Variants in LDAH observed in about 807,000 individuals in gnomAD.
LDAH encodes lipid droplet associated hydrolase.
LDAH carries 26 observed loss-of-function variants against 29.6 expected under a neutral mutation model. That is an observed-to-expected ratio of 0.88 (90% CI 0.64 to 1.22). The LOEUF (loss-of-function observed/expected upper bound fraction) is 1.22, where lower values mean the gene tolerates loss of function less well. LDAH is among the 50% of genes most tolerant of loss of function. LDAH has a pLI of 0.00. For missense variants in LDAH, 344 were observed against 387.3 expected (o/e 0.89, Z 0.94); for synonymous variants, 117 against 133.0 (o/e 0.88, Z 0.83).
intron 3 of LDAH, among the ~76,000 whole-genome samples, chr2:20,784,554 T>C (rs1670416998): frequency 6.6e-6 from 1 of 152,044 alleles, no homozygotes; most frequent in Non-Finnish European, 1.5e-5. Flanking sequence ...TGATCTAACA[T>C]TCTCTCTTCT....
chr2:20,802,434 T>C (rs553706212), intron 1 of LDAH, among the ~76,000 whole-genome samples: 31 of 152,332 alleles, frequency 2.0e-4, no homozygotes, highest in African/African-American at 7.0e-4. Context: ...ACCCAGGATA[T>C]ACTATCATGA....
At chr2:20,770,561 G>A (rs1051013452) in intron 4 of LDAH, among the ~76,000 whole-genome samples, 1 of 152,158 alleles carries the variant, frequency 6.6e-6, no homozygotes, top group Admixed American at 6.5e-5. Context: ...AGAGAAAGAA[G>A]ATTCTAGATA....
chr2:20,690,216 G>A (rs111746926), intron 6 of LDAH, among the ~76,000 whole-genome samples: 53 of 152,242 alleles, frequency 3.5e-4, no homozygotes, highest in African/African-American at 1.1e-3. Flanking sequence ...CCCACCTCAG[G>A]GTATCAAGAG....
intron 1 of LDAH, among the ~76,000 whole-genome samples, chr2:20,814,470 A>AT (rs1672719689): frequency 6.6e-6 from 1 of 152,020 alleles, no homozygotes; most frequent in Non-Finnish European, 1.5e-5. Context: ...TATTTTTATT[A>AT]TTATTTTTGA....
chr2:20,774,040 T>C (rs979236592), intron 4 of LDAH, among the ~76,000 whole-genome samples: 12 of 152,172 alleles, frequency 7.9e-5, no homozygotes, highest in South Asian at 4.1e-4. Context: ...CCTCAAAACA[T>C]AGCACAGGAT....
At chr2:20,767,660 G>A (rs909148053) in intron 4 of LDAH, among the ~76,000 whole-genome samples, 1 of 152,202 alleles carries the variant, frequency 6.6e-6, no homozygotes, top group Non-Finnish European at 1.5e-5. Flanking sequence ...GCAGGCCAGG[G>A]AGGGTTTGAA....
chr2:20,761,955 GA>G lies in LDAH; in HGVS notation c.468+12854del, dbSNP rs956859724. Among the ~76,000 whole-genome samples the G allele has an allele frequency of 5.7e-4, 83 of 144,440 alleles. 1 individual carries two copies. The highest frequency in any genetic ancestry group is 1.8e-3 in the African/African-American group (69 of 39,372). The allele number at this position is 144,440 out of a possible 152,430, so 94.8% of individuals were successfully genotyped here. ...ACAGAAAATTCAAAAATAAAAAATA[GA>G]AAAAAAAAACCCAAACTCACCACTT... On this transcript the variant is annotated intron_variant, in intron 4 of 6. Coordinates refer to ENST00000237822, the MANE Select transcript of LDAH (RefSeq NM_021925.4).
chr2:20,818,126 G>T (rs1203560149), intron 1 of LDAH, among the ~76,000 whole-genome samples: 3 of 152,102 alleles, frequency 2.0e-5, no homozygotes, highest in Non-Finnish European at 4.4e-5. Flanking sequence ...TATACTCTGT[G>T]AATTGTATCA....
In LDAH at chr2:20,794,545, C is replaced by T. The variant is rs576328218; in HGVS notation, c.155-4147G>A. On this transcript the variant is annotated intron_variant, in intron 2 of 6. Coordinates refer to ENST00000237822, the MANE Select transcript of LDAH (RefSeq NM_021925.4). ...CCATCAAAATGTTAAAAGCATAATA[C>T]ATCATGACCAAGTGGGATTTATCAC... is the stretch of plus-strand genomic sequence containing the variant. 3.3e-4 allele frequency among the ~76,000 whole-genome samples: 50 copies of T among 152,230 alleles called. No individual in the cohort carries two copies. In the South Asian group the frequency reaches 7.9e-3, roughly 24 times the overall value.
intron 4 of LDAH, among the ~76,000 whole-genome samples, chr2:20,767,505 G>A (rs1271804534): frequency 1.3e-5 from 2 of 152,240 alleles, no homozygotes; most frequent in Non-Finnish European, 2.9e-5. Context: ...CAAGCATGAG[G>A]GGAAATTGAG....
intron 1 of LDAH, among the ~76,000 whole-genome samples, chr2:20,806,281 C>CTTTAAA (rs1672060897): frequency 6.6e-6 from 1 of 152,086 alleles, no homozygotes; most frequent in African/African-American, 2.4e-5. Context: ...TCCTCAAATG[C>CTTTAAA]CAAAAACTTT....
chr2:20,752,950 C>T (rs545892615), intron 4 of LDAH, among the ~76,000 whole-genome samples: 1 of 148,978 alleles, frequency 6.7e-6, no homozygotes, highest in African/African-American at 2.5e-5. Context: ...TCATTCTAAG[C>T]TGTATTCTTT....
rs147397062 is a variant in LDAH, at chr2:20,750,023, CTTTTT to C, written c.469-9823_469-9819del. On this transcript the variant is annotated intron_variant, in intron 4 of 6. Transcript: ENST00000237822. ...TGATTTTTACGTCTGCCTTACTAAA[CTTTTT>C]TTTTTTTTTTTTTTTGAAACAAAGT... 2.6e-3 allele frequency among the ~76,000 whole-genome samples: 328 copies of C among 127,088 alleles called. 3 individuals are homozygous for C. Among genetic ancestry groups the C allele is most frequent in the African/African-American group, 8.9e-3 (305 of 34,236 alleles). 83.4% of individuals were successfully genotyped at this position (127,088 alleles called of 152,430 possible).
chr2:20,800,783 G>A (rs1671605897), intron 2 of LDAH, among the ~76,000 whole-genome samples: 1 of 152,018 alleles, frequency 6.6e-6, no homozygotes, highest in Non-Finnish European at 1.5e-5. Flanking sequence ...ATAGGCATGT[G>A]CCACCACGCC....
chr2:20,691,708 A>G (rs1253891340), intron 6 of LDAH, among the ~76,000 whole-genome samples: 3 of 152,242 alleles, frequency 2.0e-5, no homozygotes, highest in Admixed American at 2.0e-4. Flanking sequence ...AAAAGTATAC[A>G]TTATTGAGAT....
intron 4 of LDAH, among the ~76,000 whole-genome samples, chr2:20,744,765 T>C (rs1667453005): frequency 6.6e-6 from 1 of 152,154 alleles, no homozygotes. Flanking sequence ...TCTAACAAAA[T>C]TGTGGTGTTT....
chr2:20,740,194 G>T lies in LDAH; in HGVS notation c.480C>A (p.Ala160=). The T allele has an allele frequency of 6.2e-7, 1 of 1,612,764 alleles. No homozygotes were observed. Among genetic ancestry groups the T allele is most frequent in the African/African-American group, 1.3e-5 (1 of 75,024 alleles). The change falls in exon 5 of 7, where the codon GCC becomes GCA. Residue 160 remains alanine (A), a synonymous_variant. Coordinates refer to ENST00000237822, the MANE Select transcript of LDAH (RefSeq NM_021925.4). ...GTTCAATTGTTGGAAAGAGCAGAAAGGCACGAATTACCTGCAATAAAGAAG... is the reference window on the plus strand; with the variant it reads ...GTTCAATTGTTGGAAAGAGCAGAAATGCACGAATTACCTGCAATAAAGAAG... ...KRVPELPVIR[A]FLLFPTIERM...
At chr2:20,816,249 TA>T (rs1558506519) in intron 1 of LDAH, among the ~76,000 whole-genome samples, 1 of 151,902 alleles carries the variant, frequency 6.6e-6, no homozygotes, top group Admixed American at 6.6e-5. Context: ...AAACAAATAA[TA>T]AAATGGCTGG....
At chr2:20,778,973 C>A (rs1239615239) in intron 3 of LDAH, among the ~76,000 whole-genome samples, 1 of 150,980 alleles carries the variant, frequency 6.6e-6, no homozygotes, top group Non-Finnish European at 1.5e-5. Flanking sequence ...TGTATAAGTT[C>A]AACTATTTAT....
Sources: allele counts gnomAD v4.1 joint callset (sites outside exome capture counted in the v4.1 genomes callset), GRCh38; gene constraint gnomAD v4.1.1; transcripts MANE v1.5; gene names NCBI Gene and HGNC (gene_info 2026-07-23, HGNC 2026-07-21).